PCMTD1: variants seen among roughly 807,000 people sequenced by gnomAD.
PCMTD1 encodes protein-L-isoaspartate O-methyltransferase domain-containing protein 1.
A neutral mutation model predicts 37.6 loss-of-function variants in PCMTD1; 12 were observed. That is an observed-to-expected ratio of 0.32 (90% CI 0.20 to 0.52). PCMTD1 has a LOEUF of 0.52. PCMTD1 is among the 20% of genes least tolerant of loss of function. PCMTD1 has a pLI of 0.97. For missense variants in PCMTD1, 235 were observed against 421.3 expected (o/e 0.56, Z 3.87); for synonymous variants, 117 against 135.8 (o/e 0.86, Z 0.96).
At chr8:51,861,726 A>T (rs28520798) in intron 1 of PCMTD1, among the ~76,000 whole-genome samples, 153 of 136,994 alleles carry the variant, frequency 1.1e-3, no homozygotes, top group South Asian at 5.4e-3. Context: ...TTTTTTTTTA[A>T]TTTTTTTTTT....
chr8:51,848,649 A>G (rs1470328535), intron 2 of PCMTD1, among the ~76,000 whole-genome samples: 1 of 151,402 alleles, frequency 6.6e-6, no homozygotes, highest in Non-Finnish European at 1.5e-5. Context: ...AAATTTCTTA[A>G]TTTTTTTAAA....
intron 2 of PCMTD1, among the ~76,000 whole-genome samples, chr8:51,854,376 G>GA (rs61269395): frequency 7.3e-5 from 11 of 150,710 alleles, no homozygotes; most frequent in African/African-American, 2.0e-4. Flanking sequence ...GTGAGAGGGG[G>GA]AAAAAAAAAA....
intron 5 of PCMTD1, among the ~76,000 whole-genome samples, chr8:51,829,326 A>T (rs543145716): frequency 2.2e-4 from 33 of 152,326 alleles, no homozygotes; most frequent in African/African-American, 7.5e-4. Context: ...GAGCCATGCA[A>T]GCCTCTCTGC....
At chr8:51,890,003 A>C (rs1225303937) in intron 1 of PCMTD1, among the ~76,000 whole-genome samples, 1 of 151,528 alleles carries the variant, frequency 6.6e-6, no homozygotes, top group Admixed American at 6.6e-5. Flanking sequence ...CCTTAACAAA[A>C]AAAAAAAAAA....
At chr8:51,872,202 T>C (rs1389083589) in intron 1 of PCMTD1, among the ~76,000 whole-genome samples, 1 of 146,914 alleles carries the variant, frequency 6.8e-6, no homozygotes, top group Non-Finnish European at 1.5e-5. Flanking sequence ...CCCCAAAGCC[T>C]TTCCTCCTCT....
At chr8:51,887,657 T>C (rs148808159) in intron 1 of PCMTD1, among the ~76,000 whole-genome samples, 1 of 151,816 alleles carries the variant, frequency 6.6e-6, no homozygotes, top group South Asian at 2.1e-4. Flanking sequence ...TGCAATCATT[T>C]TCCTCGTTTA....
intron 1 of PCMTD1, among the ~76,000 whole-genome samples, chr8:51,862,978 C>T (rs1438074510): frequency 1.3e-5 from 2 of 151,684 alleles, no homozygotes; most frequent in South Asian, 2.1e-4. Context: ...TTCAACAGGT[C>T]TTAGCTGTGG....
intron 5 of PCMTD1, among the ~76,000 whole-genome samples, 165 bp from the exon 6 acceptor site, chr8:51,820,883 T>A (rs1295466183): frequency 6.6e-6 from 1 of 152,214 alleles, no homozygotes; most frequent in Non-Finnish European, 1.5e-5. Flanking sequence ...GTAGTCATTA[T>A]ATGCCAAGGA....
At chr8:51,864,764 T>C (rs2038525537) in intron 1 of PCMTD1, among the ~76,000 whole-genome samples, 1 of 151,500 alleles carries the variant, frequency 6.6e-6, no homozygotes, top group African/African-American at 2.4e-5. Flanking sequence ...CAAAAGAGAG[T>C]AAAGATTTCA....
rs1252449094 is a variant in PCMTD1, at chr8:51,820,585, T to C, written c.840A>G (p.Arg280=). The change falls in exon 6 of 6, where the codon AGA becomes AGG. Residue 280 remains arginine, a synonymous_variant. Coordinates refer to ENST00000522514, the MANE Select transcript of PCMTD1 (RefSeq NM_052937.4). ...CGTAAGTGTTAATTCTCTGTTTAAC[T>C]CTCTTTCTTTTCCTTTTGGGTGGAG... ...QRAPPKRKRK[R]VKQRINTYVF... 1.9e-6 allele frequency: 3 copies of C among 1,612,758 alleles called. No homozygotes were observed. Among genetic ancestry groups the C allele is most frequent in the Non-Finnish European group, 2.5e-6 (3 of 1,179,676 alleles).
chr8:51,826,315 T>C (rs1294675138), intron 5 of PCMTD1, among the ~76,000 whole-genome samples: 1 of 152,038 alleles, frequency 6.6e-6, no homozygotes, highest in South Asian at 2.1e-4. Flanking sequence ...AGTTGAACAA[T>C]GAGAACACAT....
At chr8:51,871,526 G>A (rs1252340719) in intron 1 of PCMTD1, among the ~76,000 whole-genome samples, 1 of 152,130 alleles carries the variant, frequency 6.6e-6, no homozygotes, top group African/African-American at 2.4e-5. Context: ...CTTTTGCCCT[G>A]GCTAATACTT....
chr8:51,864,561 G>C (rs564242176), intron 1 of PCMTD1, among the ~76,000 whole-genome samples: 2 of 152,154 alleles, frequency 1.3e-5, no homozygotes, highest in Non-Finnish European at 2.9e-5. Flanking sequence ...CCAGTAACAG[G>C]AGGACTTTTG....
intron 5 of PCMTD1, 117 bp downstream of exon 5, chr8:51,831,327 C>A: frequency 2.8e-6 from 3 of 1,072,768 alleles, no homozygotes; most frequent in Non-Finnish European, 3.9e-6. Flanking sequence ...ATAAATCCAC[C>A]AAATATCTTA....
chr8:51,898,255 T>G (rs545694440), intron 1 of PCMTD1, among the ~76,000 whole-genome samples: 10 of 152,276 alleles, frequency 6.6e-5, no homozygotes, highest in African/African-American at 2.2e-4. Context: ...CAAAAAATCT[T>G]GGATTTGCAA....
rs191528817 is a variant in PCMTD1 at position 51,870,880 on chromosome 8, C to A, written c.-95-9634G>T. The stretch of plus-strand genomic sequence containing the variant: ...AAAGGAAGAATGAAGCAGCAGGGGG[C>A]GGGCCGGGGTGAGCATCTGATGTCA... On this transcript the variant is annotated intron_variant, in intron 1 of 5. Transcript: ENST00000522514. Among the ~76,000 whole-genome samples the A allele has an allele frequency of 5.3e-3, 806 of 152,200 alleles. 5 individuals are homozygous for A. Among genetic ancestry groups the A allele is most frequent in the Non-Finnish European group, 8.3e-3 (567 of 68,004 alleles).
Position 51,890,002 on chromosome 8 carries a change from A to C in PCMTD1, c.-96+8928T>G, listed in dbSNP as rs1200231395. Among the ~76,000 whole-genome samples the C allele has an allele frequency of 6.7e-5, 9 of 133,498 alleles. No homozygotes were observed. In the East Asian group the frequency reaches 9.7e-4, roughly 14 times the overall value. The allele number at this position is 133,498 out of a possible 152,430, so 87.6% of individuals were successfully genotyped here. On this transcript the variant is annotated intron_variant, in intron 1 of 5. Transcript: ENST00000522514. ...TGATAACTGAACAAGTCCTTAACAAAAAAAAAAAAAAAAGCTTATATAAAG... is the reference window on the plus strand; with the variant it reads ...TGATAACTGAACAAGTCCTTAACAACAAAAAAAAAAAAAGCTTATATAAAG...
At chr8:51,868,572 T>G (rs1159166651) in intron 1 of PCMTD1, among the ~76,000 whole-genome samples, 3 of 152,056 alleles carry the variant, frequency 2.0e-5, no homozygotes, top group Non-Finnish European at 2.9e-5. Flanking sequence ...AAAGGGGTTA[T>G]AGAGAGAGCA....
At chr8:51,839,427 C>T in intron 3 of PCMTD1, 1 of 984,462 alleles carries the variant, frequency 1.0e-6, no homozygotes, top group Non-Finnish European at 1.2e-6. Flanking sequence ...CAAAATAACA[C>T]CAGGATTCTA....
Sources: gnomAD v4.1 joint callset for allele counts (sites outside exome capture counted in the v4.1 genomes callset) on GRCh38, gnomAD v4.1.1 for gene constraint, MANE v1.5 for transcripts, NCBI Gene and HGNC (gene_info 2026-07-23, HGNC 2026-07-21) for gene names.